GRM8: variants seen among roughly 807,000 people sequenced by gnomAD.
GRM8 encodes glutamate metabotropic receptor 8, also known as metabotropic glutamate receptor 8.
GRM8 carries 47 observed loss-of-function variants against 87.2 expected under a neutral mutation model. The observed-to-expected ratio is 0.54, with a 90% confidence interval of 0.43 to 0.69. The LOEUF (loss-of-function observed/expected upper bound fraction) is 0.69, where lower values mean the gene tolerates loss of function less well. GRM8 is among the 30% of genes least tolerant of loss of function. The pLI, the probability that GRM8 is intolerant of heterozygous loss-of-function variation, is 0.00. For missense variants in GRM8, 1,019 were observed against 1,139.2 expected (o/e 0.89, Z 1.52); for synonymous variants, 396 against 404.5 (o/e 0.98, Z 0.25).
chr7:126,720,924 A>G (rs566275292), intron 7 of GRM8, among the ~76,000 whole-genome samples: 1 of 152,226 alleles, frequency 6.6e-6, no homozygotes, highest in South Asian at 2.1e-4. Context: ...CTTTGTGTTT[A>G]TTTTGCTGCC....
At chr7:126,908,757 CA>C (rs1802965155) in intron 3 of GRM8, among the ~76,000 whole-genome samples, 1 of 151,830 alleles carries the variant, frequency 6.6e-6, no homozygotes, top group South Asian at 2.1e-4. Flanking sequence ...TTGCTATTCC[CA>C]CACCTCACCT....
intron 3 of GRM8, among the ~76,000 whole-genome samples, chr7:126,922,395 C>T (rs554947969): frequency 2.0e-4 from 30 of 151,602 alleles, no homozygotes; most frequent in Non-Finnish European, 3.7e-4. Flanking sequence ...CATCGTCTTC[C>T]GTAGTAGACA....
intron 3 of GRM8, among the ~76,000 whole-genome samples, chr7:126,916,819 G>A (rs1340723469): frequency 6.6e-6 from 1 of 152,128 alleles, no homozygotes; most frequent in Non-Finnish European, 1.5e-5. Context: ...ACTAGGAAAT[G>A]AACTTCAGAG....
intron 2 of GRM8, among the ~76,000 whole-genome samples, chr7:127,122,393 C>A (rs1827136991): frequency 6.6e-6 from 1 of 151,590 alleles, no homozygotes; most frequent in African/African-American, 2.4e-5. Context: ...TTCTAAATTT[C>A]TAAATAATCT....
chr7:126,942,670 T>C (rs1276387947), intron 3 of GRM8, among the ~76,000 whole-genome samples: 1 of 152,072 alleles, frequency 6.6e-6, no homozygotes, highest in Admixed American at 6.5e-5. Flanking sequence ...GCAGCTAGGA[T>C]TGGAGAAGTA....
intron 9 of GRM8, among the ~76,000 whole-genome samples, chr7:126,508,071 T>C (rs1810759242): frequency 1.3e-5 from 2 of 152,066 alleles, no homozygotes; most frequent in Admixed American, 1.3e-4. Context: ...ACCCTCATCA[T>C]AGAGTATTCA....
intron 8 of GRM8, among the ~76,000 whole-genome samples, chr7:126,587,174 A>G (rs1336576906): frequency 6.6e-6 from 1 of 152,208 alleles, no homozygotes; most frequent in Non-Finnish European, 1.5e-5. Context: ...AAGTCAGGAA[A>G]CAACAGGTGA....
chr7:127,015,324 T>A (rs1489535088), intron 3 of GRM8, among the ~76,000 whole-genome samples: 1 of 151,994 alleles, frequency 6.6e-6, no homozygotes, highest in East Asian at 1.9e-4. Context: ...AGAGTCATTC[T>A]GAGCATCCAA....
chr7:126,820,464 T>C (rs1356138341), intron 6 of GRM8, among the ~76,000 whole-genome samples: 2 of 152,180 alleles, frequency 1.3e-5, no homozygotes, highest in East Asian at 3.9e-4. Flanking sequence ...TTTGAGTCTA[T>C]CCATTCTACC....
intron 9 of GRM8, among the ~76,000 whole-genome samples, chr7:126,510,371 G>A (rs728225): frequency 0.2 from 29,559 of 151,318 alleles, 3,391 homozygotes; most frequent in Non-Finnish European, 0.24. Flanking sequence ...TGATGTGATC[G>A]TAGTATTCAT....
chr7:127,057,979 C>G (rs1586876937), intron 3 of GRM8: 1 of 255,136 alleles, frequency 3.9e-6, no homozygotes, highest in Non-Finnish European at 8.0e-6. Flanking sequence ...ATTTTCTAAC[C>G]TGTAATTTAT....
chr7:126,998,330 G>T (rs1813378448), intron 3 of GRM8, among the ~76,000 whole-genome samples: 2 of 151,890 alleles, frequency 1.3e-5, no homozygotes, highest in Middle Eastern at 3.4e-3. Flanking sequence ...AAAACTGAAA[G>T]CCTTTCCTCT....
At chr7:126,525,664 C>A (rs1006132171) in intron 9 of GRM8, among the ~76,000 whole-genome samples, 1 of 152,178 alleles carries the variant, frequency 6.6e-6, no homozygotes, top group South Asian at 2.1e-4. Flanking sequence ...AAATCAGACC[C>A]AACTGGCTTT....
intron 3 of GRM8, among the ~76,000 whole-genome samples, chr7:127,062,753 T>C (rs1443295062): frequency 6.6e-6 from 1 of 152,148 alleles, no homozygotes. Context: ...GGTGTAATTG[T>C]CCAGAAATTT....
chr7:126,456,529 A>T (rs113704791), intron 9 of GRM8, among the ~76,000 whole-genome samples: 1 of 77,830 alleles, frequency 1.3e-5, no homozygotes, highest in African/African-American at 3.3e-5. Flanking sequence ...TAAAAAAAAA[A>T]AAAAAAAAAA....
chr7:126,987,452 T>TG (rs1812198633), intron 3 of GRM8, among the ~76,000 whole-genome samples: 1 of 151,738 alleles, frequency 6.6e-6, no homozygotes, highest in South Asian at 2.1e-4. Flanking sequence ...ACAGTTTTTT[T>TG]TTTTGTTTTT....
chr7:127,048,405 A>G (rs1342490432), intron 3 of GRM8, among the ~76,000 whole-genome samples: 1 of 152,208 alleles, frequency 6.6e-6, no homozygotes, highest in East Asian at 1.9e-4. Flanking sequence ...CTTTACTCTG[A>G]CCAAAATGAG....
chr7:126,771,876 A>G (rs1464677197), intron 6 of GRM8, among the ~76,000 whole-genome samples: 2 of 152,014 alleles, frequency 1.3e-5, no homozygotes, highest in East Asian at 3.9e-4. Flanking sequence ...GTCTCCTTCA[A>G]CCTACCCCTT....
intron 3 of GRM8, among the ~76,000 whole-genome samples, chr7:126,945,295 T>C (rs1381484561): frequency 6.6e-6 from 1 of 152,228 alleles, no homozygotes; most frequent in African/African-American, 2.4e-5. Flanking sequence ...AAAATCTCTA[T>C]GTTACAAATA....
Sources: gnomAD v4.1 joint callset for allele counts (sites outside exome capture counted in the v4.1 genomes callset) on GRCh38, gnomAD v4.1.1 for gene constraint, MANE v1.5 for transcripts, NCBI Gene and HGNC (gene_info 2026-07-23, HGNC 2026-07-21) for gene names.